SYNDIG1: variants seen among roughly 807,000 people sequenced by gnomAD.
The protein encoded by SYNDIG1 is synapse differentiation inducing 1.
A neutral mutation model predicts 19.4 loss-of-function variants in SYNDIG1; 9 were observed. The ratio of observed to expected loss-of-function variants is 0.46; its 90% confidence interval spans 0.28 to 0.81. The LOEUF is 0.81. Ranked by LOEUF, SYNDIG1 falls within the 30% of genes least tolerant of loss-of-function variation. The pLI is 0.12. For missense variants in SYNDIG1, 311 were observed against 343.3 expected, an observed-to-expected ratio of 0.91 and a Z score of 0.74; for synonymous variants, 141 against 145.9, an observed-to-expected ratio of 0.97 and a Z score of 0.24.
chr20:24,646,054 C>A (rs1385922436), intron 3 of SYNDIG1, among the ~76,000 whole-genome samples: 2 of 152,128 alleles, frequency 1.3e-5, no homozygotes. Context: ...ATGCACTTGC[C>A]CAGGAAGCCC....
At chr20:24,644,924 C>A (rs546107830) in intron 3 of SYNDIG1, among the ~76,000 whole-genome samples, 9 of 152,280 alleles carry the variant, frequency 5.9e-5, no homozygotes, top group Admixed American at 3.3e-4. Context: ...TCAAAGACCC[C>A]ATGACACAGT....
intron 1 of SYNDIG1, among the ~76,000 whole-genome samples, chr20:24,487,223 T>C (rs969582197): frequency 1.3e-5 from 2 of 152,206 alleles, no homozygotes; most frequent in African/African-American, 4.8e-5. Flanking sequence ...GGATTTTGGG[T>C]CAAGAAATAT....
At chr20:24,504,348 C>T (rs751492578) in intron 1 of SYNDIG1, among the ~76,000 whole-genome samples, 11 of 149,498 alleles carry the variant, frequency 7.4e-5, no homozygotes, top group South Asian at 4.3e-4. Context: ...ATAGGTAGCC[C>T]GGGGAGCAAT....
intron 2 of SYNDIG1, among the ~76,000 whole-genome samples, chr20:24,571,498 A>C (rs994860758): frequency 2.0e-5 from 3 of 152,172 alleles, no homozygotes; most frequent in Admixed American, 1.3e-4. Context: ...CACACACACA[A>C]TATTTCAAAG....
At chr20:24,501,881 G>T (rs567593083) in intron 1 of SYNDIG1, among the ~76,000 whole-genome samples, 2 of 152,174 alleles carry the variant, frequency 1.3e-5, no homozygotes, top group African/African-American at 4.8e-5. Context: ...TGCAGGCCCC[G>T]AGCTGCTTCT....
At chr20:24,662,638 G>C (rs981910303) in intron 3 of SYNDIG1, among the ~76,000 whole-genome samples, 43 of 152,216 alleles carry the variant, frequency 2.8e-4, no homozygotes, top group Admixed American at 2.1e-3. Context: ...TTTGGGTCCT[G>C]CTGAGCCCCT....
At chr20:24,655,088 C>T (rs1449719667) in intron 3 of SYNDIG1, among the ~76,000 whole-genome samples, 1 of 151,866 alleles carries the variant, frequency 6.6e-6, no homozygotes, top group African/African-American at 2.4e-5. Context: ...ACTGTAACGT[C>T]AAAGGGAAGC....
intron 1 of SYNDIG1, among the ~76,000 whole-genome samples, chr20:24,512,154 T>TATATATATGC (rs1412172650): frequency 8.9e-6 from 1 of 111,984 alleles, no homozygotes; most frequent in African/African-American, 3.4e-5. Context: ...TATATATATA[T>TATATATATGC]GCAGTGGTTC....
chr20:24,557,873 G>A (rs530760163), intron 2 of SYNDIG1, among the ~76,000 whole-genome samples: 19 of 152,268 alleles, frequency 1.2e-4, no homozygotes, highest in Admixed American at 2.0e-4. Context: ...CGTCTTCTGC[G>A]TCGCTCATGC....
intron 2 of SYNDIG1, among the ~76,000 whole-genome samples, chr20:24,569,190 G>C (rs1162002055): frequency 6.6e-6 from 1 of 152,180 alleles, no homozygotes; most frequent in Non-Finnish European, 1.5e-5. Context: ...ACTGTGATTT[G>C]ACCACAGGAG....
At chr20:24,657,662 T>TG (rs903509790) in intron 3 of SYNDIG1, among the ~76,000 whole-genome samples, 13 of 152,142 alleles carry the variant, frequency 8.5e-5, no homozygotes, top group Non-Finnish European at 1.5e-4. Flanking sequence ...AAACGTGTGT[T>TG]GGGGGGTCTG....
chr20:24,469,629 AGAG>A lies in SYNDIG1; in HGVS notation c.-196_-194del, dbSNP rs1429995138. ...AGCAGAGCGGCGCTGAGGGGAGGGC[AGAG>A]GAGGAGAGAGCCTGGCAGCGGAGGA... is the stretch of plus-strand genomic sequence containing the variant. On this transcript the variant is annotated 5_prime_UTR_variant, in exon 1 of 4. Coordinates refer to ENST00000376862, the MANE Select transcript of SYNDIG1 (RefSeq NM_024893.3). 2.0e-5 allele frequency: 3 copies of A among 151,532 alleles called. No homozygotes were observed. The highest frequency in any genetic ancestry group is 7.3e-5 in the African/African-American group (3 of 41,252). 9.4% of individuals were successfully genotyped at this position (151,532 alleles called of 1,614,324 possible).
intron 1 of SYNDIG1, among the ~76,000 whole-genome samples, chr20:24,501,756 A>C (rs1326304): frequency 0.1 from 15,623 of 152,202 alleles, 1,935 homozygotes; most frequent in African/African-American, 0.3. Context: ...CATGCACTAG[A>C]CTCTGTCTTA....
At chr20:24,636,708 C>A (rs1247188266) in intron 3 of SYNDIG1, among the ~76,000 whole-genome samples, 3 of 152,210 alleles carry the variant, frequency 2.0e-5, no homozygotes, top group Admixed American at 2.0e-4. Context: ...CAGCTGCTGG[C>A]ATTCACCCAT....
At chr20:24,483,322 T>C (rs2055851240) in intron 1 of SYNDIG1, among the ~76,000 whole-genome samples, 1 of 152,236 alleles carries the variant, frequency 6.6e-6, no homozygotes, top group South Asian at 2.1e-4. Flanking sequence ...TGGGGTTACA[T>C]GTGGATTTCA....
At chr20:24,493,365 T>C (rs2056208717) in intron 1 of SYNDIG1, among the ~76,000 whole-genome samples, 1 of 152,058 alleles carries the variant, frequency 6.6e-6, no homozygotes, top group Non-Finnish European at 1.5e-5. Flanking sequence ...GAAACACGCA[T>C]GCACACACAC....
chr20:24,593,743 G>C (rs2058551021), intron 3 of SYNDIG1, among the ~76,000 whole-genome samples: 1 of 151,964 alleles, frequency 6.6e-6, no homozygotes, highest in Non-Finnish European at 1.5e-5. Context: ...GACTGTGTGA[G>C]AGTTTCTCAT....
intron 3 of SYNDIG1, among the ~76,000 whole-genome samples, chr20:24,608,264 C>T (rs917744454): frequency 1.3e-5 from 2 of 151,682 alleles, no homozygotes; most frequent in South Asian, 2.1e-4. Context: ...CAGCTCACTC[C>T]GCCTCCCGGG....
intron 2 of SYNDIG1, 100 bp downstream of exon 2, chr20:24,543,677 C>T: frequency 4.0e-6 from 6 of 1,497,552 alleles, no homozygotes; most frequent in Non-Finnish European, 5.4e-6. Context: ...GGGAATGAAA[C>T]TAGTGTGCAA....
Sources: gnomAD v4.1 joint callset for allele counts (sites outside exome capture counted in the v4.1 genomes callset) on GRCh38, gnomAD v4.1.1 for gene constraint, MANE v1.5 for transcripts, NCBI Gene and HGNC (gene_info 2026-07-23, HGNC 2026-07-21) for gene names.